The following CDKN2A variants were observed in gnomAD, a reference collection of about 807,000 sequenced individuals.
The protein encoded by CDKN2A is cyclin-dependent kinase inhibitor 2A.
A neutral mutation model predicts 11.1 loss-of-function variants in CDKN2A; 3 were observed. That is an observed-to-expected ratio of 0.27 (90% CI 0.12 to 0.70). The LOEUF is 0.70. Ranked by LOEUF, CDKN2A falls within the 30% of genes least tolerant of loss-of-function variation. CDKN2A has a pLI of 0.77. For synonymous variants in CDKN2A, 122 were observed against 108.1 expected, an observed-to-expected ratio of 1.13 and a Z score of -0.80; for missense variants, 265 against 233.6, an observed-to-expected ratio of 1.13 and a Z score of -0.88.
In CDKN2A at chr9:21,974,656, C is replaced by A. The variant is rs746788029; in HGVS notation, c.150+22G>T. 6.2e-7 allele frequency: 1 copy of A among 1,614,104 alleles called. No homozygotes were observed. Among genetic ancestry groups the A allele is most frequent in the Non-Finnish European group, 8.5e-7 (1 of 1,180,056 alleles). Reference sequence around the variant, plus strand: ...CAGAGTCGCCCGCCATCCCCTGCTCCCGCTGCAGACCCTCTACCCACCTGG... The same window carrying A: ...CAGAGTCGCCCGCCATCCCCTGCTCACGCTGCAGACCCTCTACCCACCTGG... On this transcript the variant is annotated intron_variant, in intron 1 of 2. Transcript: ENST00000304494. The surrounding 1 kb of genome is among the most constrained non-coding windows in gnomAD (Gnocchi z 5.2).
chr9:21,973,324 C>G (rs1022549278), intron 1 of CDKN2A, among the ~76,000 whole-genome samples: 1 of 152,138 alleles, frequency 6.6e-6, no homozygotes, highest in African/African-American at 2.4e-5. Context: ...GAATTTAGTA[C>G]TTTAAAATGT....
chr9:21,995,256 C>T lies in CDKN2A; in HGVS notation c.-611G>A, dbSNP rs1182038674. ...GCCGAGGGCGCCTGGCTGGGACAAGCACCGAGTCCTTTGTGTCTAGCCCAT... is the reference window on the plus strand; with the variant it reads ...GCCGAGGGCGCCTGGCTGGGACAAGTACCGAGTCCTTTGTGTCTAGCCCAT... On this transcript the variant is annotated 5_prime_UTR_variant, in exon 1 of 4. Transcript: ENST00000494262. The surrounding 1 kb of genome is among the most constrained non-coding windows in gnomAD (Gnocchi z 5.7). 6.6e-6 allele frequency: 1 copy of T among 152,284 alleles called. No individual in the cohort carries two copies. Among genetic ancestry groups the T allele is most frequent in the African/African-American group, 2.4e-5 (1 of 41,466 alleles). 9.4% of individuals were successfully genotyped at this position (152,284 alleles called of 1,614,324 possible).
chr9:21,971,590 T>G (rs897773093), intron 1 of CDKN2A, among the ~76,000 whole-genome samples: 50 of 150,394 alleles, frequency 3.3e-4, no homozygotes, highest in Non-Finnish European at 4.3e-4. Flanking sequence ...TTTTTTTTTT[T>G]TTGTTCACTG....
chr9:21,976,325 G>A (rs988099514), upstream of CDKN2A, among the ~76,000 whole-genome samples: 2 of 147,992 alleles, frequency 1.4e-5, no homozygotes, highest in African/African-American at 5.0e-5. Flanking sequence ...GTTGCAGTAA[G>A]CCGAGATCGC....
upstream of CDKN2A, among the ~76,000 whole-genome samples, chr9:21,976,252 G>C (rs1393124843): frequency 6.6e-6 from 1 of 151,958 alleles, no homozygotes; most frequent in Non-Finnish European, 1.5e-5. Flanking sequence ...GGTGGCGCAC[G>C]TGTGTAATTC....
rs1554656403 is a variant in CDKN2A at position 21,974,748 on chromosome 9, T to G, written c.80A>C (p.Glu27Ala). 6.2e-7 allele frequency: 1 copy of G among 1,611,264 alleles called. No individual in the cohort carries two copies. The highest frequency in any genetic ancestry group is 8.5e-7 in the Non-Finnish European group (1 of 1,179,570). ...ATAAARGRVE[E>A]VRALLEAGAL... ...CCCCGCCTCCAGCAGCGCCCGCACCTCCTCTACCCGACCCCGGGCCGCGGC... is the reference window on the plus strand; with the variant it reads ...CCCCGCCTCCAGCAGCGCCCGCACCGCCTCTACCCGACCCCGGGCCGCGGC... Residue 27 changes from glutamate to alanine, a missense_variant, in exon 1 of 3, where the codon GAG becomes GCG. By Grantham distance (107) the Glu-to-Ala change is moderately radical. Transcript: ENST00000304494. The surrounding 1 kb of genome is among the most constrained non-coding windows in gnomAD (Gnocchi z 5.2).
chr9:21,990,641 A>AGAGAGAGAGAGAGAGAGAGG (rs1563900416), intron 2 of CDKN2A, among the ~76,000 whole-genome samples: 8 of 151,038 alleles, frequency 5.3e-5, no homozygotes, highest in Non-Finnish European at 7.4e-5. Flanking sequence ...AGAGAGAGAG[A>AGAGAGAGAGAGAGAGAGAGG]GAGAGAGAGA....
intron 2 of CDKN2A, among the ~76,000 whole-genome samples, chr9:21,993,208 G>A (rs544564239): frequency 9.1e-4 from 138 of 152,278 alleles, no homozygotes; most frequent in African/African-American, 3.2e-3. Context: ...ATTACTTTTA[G>A]ACTTATTACA....
In CDKN2A at chr9:21,968,264, CAG is replaced by C. The variant is rs1409051580; in HGVS notation, c.458-24_458-23del. On this transcript the variant is annotated intron_variant, in intron 2 of 2. Transcript: ENST00000304494. This position sits in a 1 kb window ranked among gnomAD's most constrained non-coding sequence, Gnocchi z 4.7. Reference sequence around the variant, plus strand: ...ATGTCTGCAGAGGGCAGAAAGAAAACAGGCGTTAGAAACCTGAGGTCAAAGAT... The same window carrying C: ...ATGTCTGCAGAGGGCAGAAAGAAAACGCGTTAGAAACCTGAGGTCAAAGAT... The C allele has an allele frequency of 1.2e-6, 2 of 1,613,812 alleles. No homozygotes were observed. Among genetic ancestry groups the C allele is most frequent in the South Asian group, 2.2e-5 (2 of 91,066 alleles).
intron 2 of CDKN2A, among the ~76,000 whole-genome samples, chr9:21,984,812 T>G (rs745596669): frequency 1.1e-4 from 17 of 151,980 alleles, no homozygotes; most frequent in Non-Finnish European, 2.5e-4. Context: ...AAACTATCCT[T>G]TAAAAGTAGC....
At chr9:21,976,481 C>T (rs547358909), upstream of CDKN2A, among the ~76,000 whole-genome samples, 26 of 152,044 alleles carry the variant, frequency 1.7e-4, no homozygotes, top group African/African-American at 5.5e-4. Context: ...TCTGGGAGGC[C>T]GAGACAGGCG....
At position 21,974,672 on chromosome 9, in the gene CDKN2A, A is replaced by AC. The variant is rs1235245881; in HGVS notation, c.150+5dup. ...CCCCTGCTCCCGCTGCAGACCCTCT[A>AC]CCCACCTGGATCGGCCTCCGACCGT... On this transcript the variant is annotated splice_donor_region_variant and intron_variant, in intron 1 of 2. Coordinates refer to ENST00000304494, the MANE Select transcript of CDKN2A (RefSeq NM_000077.5). This position sits in a 1 kb window ranked among gnomAD's most constrained non-coding sequence, Gnocchi z 5.2. 1 of 1,613,448 alleles carries AC rather than the reference A, an allele frequency of 6.2e-7. No homozygotes were observed. Among genetic ancestry groups the AC allele is most frequent in the African/African-American group, 1.3e-5 (1 of 74,758 alleles).
At position 21,971,065 on chromosome 9, in the gene CDKN2A, G is replaced by A. The variant is rs752685118; in HGVS notation, c.294C>T (p.His98=). The A allele has an allele frequency of 1.9e-6, 3 of 1,605,576 alleles. No homozygotes were observed. Among genetic ancestry groups the A allele is most frequent in the Non-Finnish European group, 2.5e-6 (3 of 1,179,508 alleles). The change falls in exon 2 of 3, where the codon CAC becomes CAT. Residue 98 remains histidine, a synonymous_variant. Transcript: ENST00000304494. ...EGFLDTLVVL[H]RAGARLDVRD... ...GCACGTCCAGCCGCGCCCCGGCCCG[G>A]TGCAGCACCACCAGCGTGTCCAGGA...
Position 21,990,611 on chromosome 9 carries a change from T to TGAGAGAGAGAGACAGAGAGA in CDKN2A, c.-4+3270_-4+3271insTCTCTCTGTCTCTCTCTCTC, listed in dbSNP as rs1554658808. 4.2e-4 allele frequency among the ~76,000 whole-genome samples: 38 copies of TGAGAGAGAGAGACAGAGAGA among 89,674 alleles called. 2 individuals carry two copies. The highest frequency in any genetic ancestry group is 3.6e-4 in the Non-Finnish European group (16 of 44,736). 58.8% of individuals were successfully genotyped at this position (89,674 alleles called of 152,430 possible). A position where few individuals can be genotyped will look rare whatever the true frequency, so the allele number is the denominator to read the frequency against. On this transcript the variant is annotated intron_variant, in intron 2 of 3. Transcript: ENST00000494262. ...GCGGAAACCATTATAACTAATTTGG[T>TGAGAGAGAGAGACAGAGAGA]GAGAGAGAGAGAGAGAGAGAGAGAG...
chr9:21,971,017 G>A lies in CDKN2A; in HGVS notation c.342C>T (p.Pro114=), dbSNP rs878853648. The A allele has an allele frequency of 1.9e-6, 3 of 1,607,770 alleles. No homozygotes were observed. Among genetic ancestry groups the A allele is most frequent in the South Asian group, 2.2e-5 (2 of 90,980 alleles). The change falls in exon 2 of 3, where the codon CCC becomes CCT. Residue 114 remains proline (P), a synonymous_variant. Coordinates refer to ENST00000304494, the MANE Select transcript of CDKN2A (RefSeq NM_000077.5). ...LDVRDAWGRL[P]VDLAEELGHR... is the part of the protein sequence containing the mutation. ...GGCCCAGCTCCTCAGCCAGGTCCAC[G>A]GGCAGACGGCCCCAGGCATCGCGCA... is the stretch of plus-strand genomic sequence containing the variant.
At chr9:21,986,362 G>A (rs144116907) in intron 2 of CDKN2A, among the ~76,000 whole-genome samples, 1 of 152,090 alleles carries the variant, frequency 6.6e-6, no homozygotes, top group African/African-American at 2.4e-5. Flanking sequence ...TTTGAAAGAT[G>A]TTAACCTCCT....
chr9:21,984,674 G>A (rs1274601200), intron 2 of CDKN2A, among the ~76,000 whole-genome samples: 6 of 151,960 alleles, frequency 3.9e-5, no homozygotes, highest in Non-Finnish European at 8.8e-5. Context: ...TGGGAGTGGA[G>A]GTTTAATATT....
chr9:21,977,702 A>G (rs563085443), upstream of CDKN2A, among the ~76,000 whole-genome samples: 1 of 152,296 alleles, frequency 6.6e-6, no homozygotes, highest in Admixed American at 6.5e-5. Context: ...GAGTGGGAAG[A>G]GTAGGCTCCT....
chr9:21,983,999 G>C, intron 2 of CDKN2A, among the ~76,000 whole-genome samples: 1 of 151,968 alleles, frequency 6.6e-6, no homozygotes, highest in African/African-American at 2.4e-5. Flanking sequence ...GAGGAATAAA[G>C]AATGTCAGAT....
Sources: allele counts gnomAD v4.1 joint callset (sites outside exome capture counted in the v4.1 genomes callset), GRCh38; gene constraint gnomAD v4.1.1; non-coding constraint Gnocchi (gnomAD v3.1); transcripts MANE v1.5; gene names NCBI Gene and HGNC (gene_info 2026-07-23, HGNC 2026-07-21).